The following CLEC16A variants were observed in gnomAD, a reference collection of about 807,000 sequenced individuals.
The protein encoded by CLEC16A is C-type lectin domain containing 16A, also known as protein CLEC16A.
A neutral mutation model predicts 109.5 loss-of-function variants in CLEC16A; 51 were observed. The ratio of observed to expected loss-of-function variants is 0.47; its 90% CI spans 0.37 to 0.59. CLEC16A has a LOEUF of 0.59. Among genes scored for constraint, CLEC16A ranks in the 20% least tolerant of loss-of-function variants. The pLI is 0.00. For synonymous variants in CLEC16A, 673 were observed against 564.2 expected, an observed-to-expected ratio of 1.19 and a Z score of -2.73; for missense variants, 1,339 against 1,394.0, an observed-to-expected ratio of 0.96 and a Z score of 0.63.
intron 23 of CLEC16A, among the ~76,000 whole-genome samples, chr16:11,173,432 T>G (rs1230749398): frequency 1.3e-5 from 2 of 152,076 alleles, no homozygotes; most frequent in African/African-American, 4.8e-5. Context: ...TTCAGCCAAT[T>G]AGAAGCCCCA....
chr16:10,950,081 C>T (rs992982480), intron 1 of CLEC16A, among the ~76,000 whole-genome samples: 1 of 152,242 alleles, frequency 6.6e-6, no homozygotes, highest in Non-Finnish European at 1.5e-5. Context: ...ATATACTTCT[C>T]ATCGCCAAAG....
intron 13 of CLEC16A, among the ~76,000 whole-genome samples, chr16:11,025,344 C>A (rs2046349457): frequency 1.3e-5 from 2 of 152,140 alleles, no homozygotes; most frequent in South Asian, 2.1e-4. Flanking sequence ...CTGAAATAGA[C>A]CCTGGGTGGA....
intron 16 of CLEC16A, 48 bp from the exon 17 acceptor site, chr16:11,047,244 G>GA (rs756919041): frequency 2.6e-4 from 396 of 1,531,796 alleles, no homozygotes; most frequent in Non-Finnish European, 2.5e-4. Context: ...GTTGTTTATG[G>GA]AAAAAAATAT....
chr16:11,006,860 C>T (rs887578834), intron 11 of CLEC16A, among the ~76,000 whole-genome samples: 14 of 148,970 alleles, frequency 9.4e-5, no homozygotes, highest in Admixed American at 4.7e-4. Flanking sequence ...TGCTCTGCCT[C>T]AGGTCCCAAG....
intron 3 of CLEC16A, among the ~76,000 whole-genome samples, chr16:10,967,240 A>T (rs1344491833): frequency 6.6e-6 from 1 of 152,078 alleles, no homozygotes; most frequent in African/African-American, 2.4e-5. Context: ...GGGCTCCCAG[A>T]TTCCTCTTTG....
At chr16:11,035,116 A>G (rs558987419) in intron 13 of CLEC16A, among the ~76,000 whole-genome samples, 7 of 152,346 alleles carry the variant, frequency 4.6e-5, no homozygotes, top group Admixed American at 2.0e-4. Flanking sequence ...AAGTACAGTG[A>G]TGGTCATGCA....
At position 11,174,070 on chromosome 16, in the gene CLEC16A, T is replaced by C; in HGVS notation, c.2807-4265T>C. ...CCCCTCGTCAGTGCTCAGCGTCCGC[T>C]GCTGCTCAGTGTCCCCTCCATGTCG... On this transcript the variant is annotated intron_variant, in intron 23 of 23. Transcript: ENST00000409790. This position sits in a 1 kb window ranked among gnomAD's most constrained non-coding sequence, Gnocchi z 4.7. 2.4e-6 allele frequency: 1 copy of C among 421,480 alleles called. No individual in the cohort carries two copies. Among genetic ancestry groups the C allele is most frequent in the Admixed American group, 2.5e-5 (1 of 39,954 alleles). 26.1% of individuals were successfully genotyped at this position (421,480 alleles called of 1,614,324 possible).
intron 19 of CLEC16A, among the ~76,000 whole-genome samples, chr16:11,074,613 C>T (rs1244714972): frequency 6.6e-6 from 1 of 152,092 alleles, no homozygotes; most frequent in African/African-American, 2.4e-5. Flanking sequence ...TTCCTGTAAT[C>T]TTTCCCTGTT....
chr16:11,036,479 G>T (rs1467663299), intron 13 of CLEC16A, among the ~76,000 whole-genome samples: 2 of 151,986 alleles, frequency 1.3e-5, no homozygotes, highest in Non-Finnish European at 2.9e-5. Flanking sequence ...GCCTCTTTTG[G>T]GCTGTCTGTA....
chr16:11,114,054 C>T (rs114507319), intron 19 of CLEC16A, among the ~76,000 whole-genome samples: 2,343 of 151,596 alleles, frequency 0.015, 35 homozygotes, highest in Non-Finnish European at 0.024. Context: ...TGTTATCAGA[C>T]ATGTTTATTC....
At chr16:11,006,631 G>A (rs539493864) in intron 11 of CLEC16A, among the ~76,000 whole-genome samples, 1 of 152,288 alleles carries the variant, frequency 6.6e-6, no homozygotes, top group East Asian at 1.9e-4. Flanking sequence ...GGAAAATACA[G>A]GAGTAAAAAA....
At chr16:11,117,056 C>G (rs142009756) in intron 19 of CLEC16A, among the ~76,000 whole-genome samples, 176 of 152,236 alleles carry the variant, frequency 1.2e-3, no homozygotes, top group African/African-American at 4.2e-3. Context: ...AGCTGGCAGC[C>G]TAAGTGAATT....
intron 19 of CLEC16A, among the ~76,000 whole-genome samples, chr16:11,085,467 T>A (rs1475294946): frequency 6.6e-6 from 1 of 152,278 alleles, no homozygotes; most frequent in African/African-American, 2.4e-5. Context: ...TTGGCTGTCC[T>A]CTTCATCTTT....
In CLEC16A at chr16:11,003,324, G is replaced by T. The variant is rs375477582; in HGVS notation, c.1303+19G>T. The T allele has an allele frequency of 1.2e-5, 19 of 1,592,768 alleles. No homozygotes were observed. Among genetic ancestry groups the T allele is most frequent in the Non-Finnish European group, 1.6e-5 (19 of 1,165,320 alleles). On this transcript the variant is annotated intron_variant, in intron 11 of 23. Coordinates refer to ENST00000409790, the MANE Select transcript of CLEC16A (RefSeq NM_015226.3). ...AGTGAAGGTGAGTGTCCCCATGAAC[G>T]CCGCCCTGTGCCTGCGCCGCCAGCC...
At chr16:11,077,963 A>AGTGTGTGTG (rs1567286441) in intron 19 of CLEC16A, among the ~76,000 whole-genome samples, 1 of 122,136 alleles carries the variant, frequency 8.2e-6, no homozygotes, top group African/African-American at 3.4e-5. Context: ...ACAAAAAAAA[A>AGTGTGTGTG]CGTGTGTGTG....
At chr16:11,112,580 G>T (rs900090312) in intron 19 of CLEC16A, among the ~76,000 whole-genome samples, 4 of 151,846 alleles carry the variant, frequency 2.6e-5, no homozygotes, top group African/African-American at 7.3e-5. Context: ...CAGGAGGATC[G>T]CTTGGGTGCA....
At chr16:11,028,709 T>G (rs2046569031) in intron 13 of CLEC16A, among the ~76,000 whole-genome samples, 1 of 152,236 alleles carries the variant, frequency 6.6e-6, no homozygotes, top group African/African-American at 2.4e-5. Context: ...TGGATAGGTG[T>G]GAACACCACT....
chr16:11,111,989 A>G (rs1007511534), intron 19 of CLEC16A, among the ~76,000 whole-genome samples: 2 of 152,236 alleles, frequency 1.3e-5, no homozygotes, highest in African/African-American at 2.4e-5. Flanking sequence ...AAAAGCTTCT[A>G]AACACTCCGA....
chr16:11,120,528 C>A, intron 19 of CLEC16A, 87 bp from the exon 20 acceptor site: 1 of 1,405,620 alleles, frequency 7.1e-7, no homozygotes, highest in Non-Finnish European at 9.6e-7. Context: ...AGCTCTGCTC[C>A]TGATAGAATG....
Sources: gnomAD v4.1 joint callset for allele counts (sites outside exome capture counted in the v4.1 genomes callset) on GRCh38, gnomAD v4.1.1 for gene constraint, Gnocchi (gnomAD v3.1) non-coding constraint, MANE v1.5 for transcripts, NCBI Gene and HGNC (gene_info 2026-07-23, HGNC 2026-07-21) for gene names.